The following CACNA2D3 variants were observed in gnomAD, a reference collection of about 807,000 sequenced individuals.
CACNA2D3 encodes the protein voltage-dependent calcium channel subunit alpha-2/delta-3.
CACNA2D3 carries 60 observed loss-of-function variants against 160.6 expected under a neutral mutation model. The observed-to-expected ratio is 0.37, with a 90% CI of 0.30 to 0.46. CACNA2D3 has a LOEUF of 0.46. Ranked by LOEUF, CACNA2D3 falls within the 20% of genes least tolerant of loss-of-function variation. The pLI is 1.00. For missense variants in CACNA2D3, 1,205 were observed against 1,365.0 expected (o/e 0.88, Z 1.85); for synonymous variants, 558 against 492.9 (o/e 1.13, Z -1.75).
At chr3:54,536,994 C>T (rs1701899534) in intron 5 of CACNA2D3, among the ~76,000 whole-genome samples, 1 of 152,122 alleles carries the variant, frequency 6.6e-6, no homozygotes, top group Non-Finnish European at 1.5e-5. Context: ...TGAATAAATG[C>T]TCGATAAATG....
At chr3:54,277,970 A>G (rs1052094059) in intron 2 of CACNA2D3, among the ~76,000 whole-genome samples, 2 of 152,192 alleles carry the variant, frequency 1.3e-5, no homozygotes, top group African/African-American at 2.4e-5. Context: ...AGCAATGGCA[A>G]CAAAAGCCAA....
intron 35 of CACNA2D3, among the ~76,000 whole-genome samples, chr3:55,067,716 G>C (rs1575460853): frequency 6.6e-6 from 1 of 151,090 alleles, no homozygotes; most frequent in Non-Finnish European, 1.5e-5. Flanking sequence ...CCATGCATTA[G>C]ATACATACAT....
chr3:54,224,892 TCTACC>T (rs1577010266), intron 2 of CACNA2D3, among the ~76,000 whole-genome samples: 1 of 151,262 alleles, frequency 6.6e-6, no homozygotes, highest in Non-Finnish European at 1.5e-5. Context: ...AAAAAAAAAA[TCTACC>T]CTGCTTAGAT....
intron 10 of CACNA2D3, among the ~76,000 whole-genome samples, chr3:54,636,459 G>T: frequency 6.6e-6 from 1 of 152,084 alleles, no homozygotes; most frequent in South Asian, 2.1e-4. Context: ...AAGCATATGC[G>T]TCAGGTATGA....
At position 54,198,239 on chromosome 3, in the gene CACNA2D3, G is replaced by A. The variant is rs542237648; in HGVS notation, c.204+74645G>A. On this transcript the variant is annotated intron_variant, in intron 2 of 37. Transcript: ENST00000474759. ...CCTCTAATAGGCTCCTTGTGGCTCTGCCTATCTGAGGACAAGAGGCCTGAC... is the reference window on the plus strand; with the variant it reads ...CCTCTAATAGGCTCCTTGTGGCTCTACCTATCTGAGGACAAGAGGCCTGAC... Among the ~76,000 whole-genome samples, 126 of 152,324 alleles carry A rather than the reference G, an allele frequency of 8.3e-4. 1 individual carries two copies. Among genetic ancestry groups the A allele is most frequent in the African/African-American group, 2.9e-3 (120 of 41,568 alleles).
chr3:54,701,064 G>A (rs1004596581), intron 11 of CACNA2D3, among the ~76,000 whole-genome samples: 9 of 152,200 alleles, frequency 5.9e-5, no homozygotes, highest in African/African-American at 1.9e-4. Context: ...TTGGATGAAA[G>A]AAATCAGGTT....
At chr3:54,451,465 T>C (rs1700307687) in intron 4 of CACNA2D3, among the ~76,000 whole-genome samples, 2 of 152,046 alleles carry the variant, frequency 1.3e-5, no homozygotes, top group African/African-American at 4.8e-5. Context: ...GTCAAGTGGA[T>C]TCATGCCATT....
chr3:54,573,417 C>T (rs1354169293), intron 8 of CACNA2D3, among the ~76,000 whole-genome samples: 1 of 152,200 alleles, frequency 6.6e-6, no homozygotes, highest in Non-Finnish European at 1.5e-5. Flanking sequence ...ATTTCTCTTT[C>T]ATTTGGCACA....
chr3:54,642,957 A>G (rs140539807), intron 11 of CACNA2D3, among the ~76,000 whole-genome samples: 3 of 152,174 alleles, frequency 2.0e-5, no homozygotes, highest in Non-Finnish European at 4.4e-5. Flanking sequence ...TCAGTAATCC[A>G]TGTTTTTAAC....
Position 55,012,303 on chromosome 3 carries a change from G to GT in CACNA2D3, c.2875+2870dup, listed in dbSNP as rs1204097872. Among the ~76,000 whole-genome samples the GT allele has an allele frequency of 5.1e-3, 759 of 149,938 alleles. 3 individuals carry two copies. Among genetic ancestry groups the GT allele is most frequent in the African/African-American group, 0.017 (692 of 40,880 alleles). On this transcript the variant is annotated intron_variant, in intron 34 of 37. Transcript: ENST00000474759. ...GGCGCTCATGCTTTGGGTGGTGGTGGTTTTTTTTTTAACCGAAATGTCTGG... is the reference window on the plus strand; with the variant it reads ...GGCGCTCATGCTTTGGGTGGTGGTGGTTTTTTTTTTTAACCGAAATGTCTGG...
chr3:54,220,976 G>A (rs1701557254), intron 2 of CACNA2D3, among the ~76,000 whole-genome samples: 1 of 152,222 alleles, frequency 6.6e-6, no homozygotes, highest in Admixed American at 6.5e-5. Flanking sequence ...CCTTGGGTGG[G>A]AATGGAGGGG....
At chr3:54,673,431 A>G (rs1035188858) in intron 11 of CACNA2D3, among the ~76,000 whole-genome samples, 1 of 152,194 alleles carries the variant, frequency 6.6e-6, no homozygotes, top group Non-Finnish European at 1.5e-5. Flanking sequence ...TGATCAGGAA[A>G]ACATTTGTTT....
chr3:54,574,506 C>T (rs1489841433), intron 8 of CACNA2D3, among the ~76,000 whole-genome samples: 1 of 152,138 alleles, frequency 6.6e-6, no homozygotes, highest in Non-Finnish European at 1.5e-5. Flanking sequence ...ATTACAAGAT[C>T]TATCTAAAAT....
intron 11 of CACNA2D3, among the ~76,000 whole-genome samples, chr3:54,716,898 TTG>T (rs966020918): frequency 2.0e-4 from 27 of 135,878 alleles, no homozygotes; most frequent in Admixed American, 1.9e-3. Context: ...GACGCAAAAC[TTG>T]TGTGGCACTT....
chr3:54,383,205 A>T (rs1331934148), intron 3 of CACNA2D3, among the ~76,000 whole-genome samples: 1 of 152,184 alleles, frequency 6.6e-6, no homozygotes, highest in Admixed American at 6.5e-5. Flanking sequence ...GTTTACCTTT[A>T]TAAGAGTACT....
At chr3:55,033,496 T>A (rs6776794) in intron 35 of CACNA2D3, among the ~76,000 whole-genome samples, 37,412 of 149,814 alleles carry the variant, frequency 0.25, 4,884 homozygotes, top group Admixed American at 0.32. Flanking sequence ...CTCATTTTTT[T>A]ATACAATGAT....
chr3:54,652,130 C>T (rs1699777367), intron 11 of CACNA2D3, among the ~76,000 whole-genome samples: 1 of 151,764 alleles, frequency 6.6e-6, no homozygotes, highest in South Asian at 2.1e-4. Flanking sequence ...AAATGCTCCA[C>T]CCACCCCCTA....
intron 14 of CACNA2D3, among the ~76,000 whole-genome samples, chr3:54,822,800 TTTCTTTCTTTC>T (rs1703657817): frequency 3.2e-5 from 3 of 94,070 alleles, no homozygotes; most frequent in African/African-American, 1.5e-4. Context: ...CCTTTCTTTC[TTTCTTTCTTTC>T]TTTCTTTCTT....
intron 9 of CACNA2D3, among the ~76,000 whole-genome samples, chr3:54,618,938 T>G (rs1698922478): frequency 6.6e-6 from 1 of 152,210 alleles, no homozygotes; most frequent in Non-Finnish European, 1.5e-5. Flanking sequence ...CCTGGCACAC[T>G]GCAGCCACTG....
Sources: gnomAD v4.1 joint callset for allele counts (sites outside exome capture counted in the v4.1 genomes callset) on GRCh38, gnomAD v4.1.1 for gene constraint, MANE v1.5 for transcripts, NCBI Gene and HGNC (gene_info 2026-07-23, HGNC 2026-07-21) for gene names.